ATP6V1E1: variants seen among roughly 807,000 people sequenced by gnomAD.
ATP6V1E1 encodes the protein ATPase H+ transporting V1 subunit E1, also known as V-type proton ATPase subunit E 1.
Under a neutral mutation model 35.2 loss-of-function variants are expected in ATP6V1E1, and 21 were observed. That is an observed-to-expected ratio of 0.60 (90% CI 0.42 to 0.86). The LOEUF is 0.86. Among genes scored for constraint, ATP6V1E1 ranks in the 40% least tolerant of loss-of-function variants. The pLI is 0.00. For synonymous variants in ATP6V1E1, 83 were observed against 87.8 expected (o/e 0.95, Z 0.30); for missense variants, 183 against 272.6 (o/e 0.67, Z 2.32).
intron 4 of ATP6V1E1, among the ~76,000 whole-genome samples, chr22:17,608,288 T>C (rs565542414): frequency 6.6e-6 from 1 of 152,342 alleles, no homozygotes; most frequent in East Asian, 1.9e-4. Context: ...AGAATTTTGT[T>C]TGCAACAATT....
intron 6 of ATP6V1E1, among the ~76,000 whole-genome samples, chr22:17,599,367 G>A (rs1168303137): frequency 6.6e-6 from 1 of 150,968 alleles, no homozygotes; most frequent in Non-Finnish European, 1.5e-5. Context: ...ACAAGGTCAG[G>A]AGTTTGAGAC....
intron 4 of ATP6V1E1, among the ~76,000 whole-genome samples, chr22:17,605,219 A>AAAAAAG (rs2057780361): frequency 2.2e-5 from 3 of 138,200 alleles, no homozygotes; most frequent in African/African-American, 8.4e-5. Flanking sequence ...AAAAAAAAAA[A>AAAAAAG]AAAAGAAAAG....
intron 1 of ATP6V1E1, among the ~76,000 whole-genome samples, chr22:17,621,918 CTTGT>C (rs1433137664): frequency 4.6e-5 from 7 of 152,134 alleles, no homozygotes; most frequent in African/African-American, 1.7e-4. Context: ...AGGCTAGGAA[CTTGT>C]TAAAGGTTCC....
At chr22:17,627,983 GT>G (rs549292581) in intron 1 of ATP6V1E1, among the ~76,000 whole-genome samples, 33 of 135,834 alleles carry the variant, frequency 2.4e-4, no homozygotes, top group Middle Eastern at 4.1e-3. Flanking sequence ...AGGCTGGTTT[GT>G]TTTTTTTTTT....
Position 17,598,242 on chromosome 22 carries a change from T to A in ATP6V1E1, c.482A>T (p.Asn161Ile). 1.9e-6 allele frequency: 3 copies of A among 1,613,902 alleles called. No homozygotes were observed. The South Asian group carries it at 3.3e-5, about 18-fold the overall frequency. Reference sequence around the variant, plus strand: ...CTGGTCAATTTGGACATCAACATCGTTTTTGGTGGCAATTTTGTACATAGG... The same window carrying A: ...CTGGTCAATTTGGACATCAACATCGATTTTGGTGGCAATTTTGTACATAGG... ...AIPMYKIATK[N>I]DVDVQIDQES... Residue 161 changes from asparagine to isoleucine, a missense_variant, in exon 7 of 9, where the codon AAC (asparagine) becomes ATC (isoleucine). Asn to Ile is a moderately radical substitution (Grantham distance 149). Coordinates refer to ENST00000253413, the MANE Select transcript of ATP6V1E1 (RefSeq NM_001696.4).
At chr22:17,601,974 G>A (rs2057764279) in intron 4 of ATP6V1E1, among the ~76,000 whole-genome samples, 1 of 151,914 alleles carries the variant, frequency 6.6e-6, no homozygotes, top group Non-Finnish European at 1.5e-5. Context: ...ATACAATCAT[G>A]GCTCTCTACA....
intron 2 of ATP6V1E1, chr22:17,618,939 G>A (rs2057860705): frequency 2.2e-6 from 1 of 448,048 alleles, no homozygotes; most frequent in South Asian, 1.6e-5. Flanking sequence ...GGCAGAGGTT[G>A]CAGTGAGCTG....
chr22:17,600,817 C>A (rs764021818), intron 5 of ATP6V1E1: 2 of 233,544 alleles, frequency 8.6e-6, no homozygotes, highest in African/African-American at 2.3e-5. Context: ...CTAGCCATTG[C>A]AAGCAAATTT....
chr22:17,608,075 T>G (rs1026579356), intron 4 of ATP6V1E1, among the ~76,000 whole-genome samples: 4 of 152,228 alleles, frequency 2.6e-5, no homozygotes, highest in Admixed American at 6.5e-5. Context: ...CTTCAAGTCA[T>G]GCTCAAACAG....
chr22:17,618,681 CAAAAAAAAA>C (rs796136446), intron 2 of ATP6V1E1, among the ~76,000 whole-genome samples: 1 of 72,388 alleles, frequency 1.4e-5, no homozygotes, highest in Non-Finnish European at 3.2e-5. Context: ...GACTCCATCT[CAAAAAAAAA>C]AAAAAAAAAA....
At chr22:17,599,987 G>GGGGAGGGA (rs777764897) in intron 6 of ATP6V1E1, 40 bp downstream of exon 6, 1 of 1,232,842 alleles carries the variant, frequency 8.1e-7, no homozygotes, top group African/African-American at 1.7e-5. Flanking sequence ...GAAAGGGAGG[G>GGGGAGGGA]GGGAGGGAGG....
At position 17,592,750 on chromosome 22, in the gene ATP6V1E1, G is replaced by A; in HGVS notation, c.619-14C>T. ...TTCTGGCATCATCTGTGGAGAGAAA[G>A]TGTAATAAATACGCAATGTCAGCTG... is the stretch of plus-strand genomic sequence containing the variant. On this transcript the variant is annotated splice_polypyrimidine_tract_variant and intron_variant, in intron 8 of 8. Transcript: ENST00000253413. The A allele has an allele frequency of 6.3e-7, 1 of 1,584,416 alleles. No individual in the cohort carries two copies. The highest frequency in any genetic ancestry group is 8.6e-7 in the Non-Finnish European group (1 of 1,157,822).
In ATP6V1E1 at chr22:17,628,712, G is replaced by C. The variant is rs780269490; in HGVS notation, c.-77C>G. The C allele has an allele frequency of 1.3e-6, 2 of 1,589,644 alleles. No individual in the cohort carries two copies. Among genetic ancestry groups the C allele is most frequent in the Non-Finnish European group, 1.7e-6 (2 of 1,158,356 alleles). The stretch of plus-strand genomic sequence containing the variant: ...AGGTGAGGTGAGAGAAATCGGCAAA[G>C]GGAACCCCTGCGCAGATCTCGGGTT... On this transcript the variant is annotated 5_prime_UTR_variant, in exon 1 of 9. Transcript: ENST00000253413.
At chr22:17,620,934 C>T (rs970108773) in intron 1 of ATP6V1E1, among the ~76,000 whole-genome samples, 8 of 152,012 alleles carry the variant, frequency 5.3e-5, no homozygotes, top group South Asian at 4.1e-4. Flanking sequence ...TGGTGGCGGG[C>T]GCCTGTAGTT....
In ATP6V1E1 at chr22:17,598,185, A is replaced by T; in HGVS notation, c.530+9T>A. 6.2e-7 allele frequency: 1 copy of T among 1,602,220 alleles called. No homozygotes were observed. The highest frequency in any genetic ancestry group is 8.5e-7 in the Non-Finnish European group (1 of 1,170,154). On this transcript the variant is annotated intron_variant, in intron 7 of 8. Coordinates refer to ENST00000253413, the MANE Select transcript of ATP6V1E1 (RefSeq NM_001696.4). ...GAAGGTAGCTGTTAGCAGCAGGAAT[A>T]CTCCTTACATGTCTTCAGGCAGGTA...
chr22:17,598,685 A>AG (rs774775722), intron 6 of ATP6V1E1, among the ~76,000 whole-genome samples: 2 of 152,308 alleles, frequency 1.3e-5, no homozygotes, highest in African/African-American at 2.4e-5. Context: ...GTTGCAGATG[A>AG]GGGGGAGACA....
intron 2 of ATP6V1E1, 65 bp from the exon 3 acceptor site, chr22:17,613,385 G>T: frequency 1.5e-6 from 2 of 1,336,602 alleles, no homozygotes; most frequent in Non-Finnish European, 2.1e-6. Context: ...TTAAACAGCT[G>T]GTGACCTGCG....
rs374660635 is a variant in ATP6V1E1, at chr22:17,612,925, T to C, written c.210-47A>G. On this transcript the variant is annotated intron_variant, in intron 3 of 8. Transcript: ENST00000253413. ...TAGCATTAGTAACAACTTAAAACTG[T>C]AGAGAAAGAATTCGAACTCCTGGGC... The C allele has an allele frequency of 5.8e-6, 9 of 1,539,748 alleles. No individual in the cohort carries two copies. The African/African-American group carries it at 1.2e-4, about 21-fold the overall frequency.
chr22:17,609,540 C>G (rs375031698), intron 4 of ATP6V1E1, among the ~76,000 whole-genome samples: 1 of 143,070 alleles, frequency 7.0e-6, no homozygotes, highest in Admixed American at 7.3e-5. Flanking sequence ...GCGATCTCAG[C>G]TCACTGCAAG....
Sources: gnomAD v4.1 joint callset for allele counts (sites outside exome capture counted in the v4.1 genomes callset) on GRCh38, gnomAD v4.1.1 for gene constraint, MANE v1.5 for transcripts, NCBI Gene and HGNC (gene_info 2026-07-23, HGNC 2026-07-21) for gene names.